The following POLG variants were observed in gnomAD, a reference collection of about 807,000 sequenced individuals.
POLG encodes the protein DNA polymerase gamma, catalytic subunit.
A neutral mutation model predicts 155.4 loss-of-function variants in POLG; 110 were observed. The observed-to-expected ratio is 0.71, with a 90% CI of 0.61 to 0.83. The LOEUF is 0.83. Ranked by LOEUF, POLG falls within the 40% of genes least tolerant of loss-of-function variation. The pLI, the probability that POLG is intolerant of heterozygous loss-of-function variation, is 0.00. For synonymous variants in POLG, 701 were observed against 631.5 expected, an observed-to-expected ratio of 1.11 and a Z score of -1.65; for missense variants, 1,685 against 1,627.5, an observed-to-expected ratio of 1.04 and a Z score of -0.61.
chr15:89,324,710 G>A (rs988838689), intron 10 of POLG, among the ~76,000 whole-genome samples: 6 of 152,216 alleles, frequency 3.9e-5, no homozygotes, highest in Non-Finnish European at 7.3e-5. Flanking sequence ...CTAAAGCTCA[G>A]GGTCTGTGAT....
chr15:89,318,869 AG>A, intron 20 of POLG, 61 bp downstream of exon 20: 1 of 1,590,676 alleles, frequency 6.3e-7, no homozygotes, highest in Non-Finnish European at 8.6e-7. Flanking sequence ...TAAGGTCCAC[AG>A]GGAGCTCTGC....
In POLG at chr15:89,319,074, C is replaced by T; in HGVS notation, c.3130G>A (p.Val1044Ile). 6.2e-7 allele frequency: 1 copy of T among 1,614,116 alleles called. No individual in the cohort carries two copies. Among genetic ancestry groups the T allele is most frequent in the Non-Finnish European group, 8.5e-7 (1 of 1,180,000 alleles). ...RKSQWKKWEV[V>I]AERAWKGGTE... ...CCCCCCTTCCATGCCCGTTCAGCAA[C>T]CACCTCCCACTTCTTCCACTGTGAC... The change falls in exon 20 of 23, where the codon GTT (valine) becomes ATT (isoleucine). Residue 1044 changes from valine (V) to isoleucine (I), a missense_variant. By Grantham distance (29) the Val-to-Ile change is conservative. Coordinates refer to ENST00000268124, the MANE Select transcript of POLG (RefSeq NM_002693.3).
At position 89,318,762 on chromosome 15, in the gene POLG, G is replaced by A; in HGVS notation, c.3274-13C>T. The A allele has an allele frequency of 6.2e-7, 1 of 1,610,634 alleles. No individual in the cohort carries two copies. The highest frequency in any genetic ancestry group is 8.5e-7 in the Non-Finnish European group (1 of 1,177,152). Reference sequence around the variant, plus strand: ...GGCTGGTCATAAACTGGGAAGGGAAGGTGGGCAGAGGTGAAAGGGGCTATG... The same window carrying A: ...GGCTGGTCATAAACTGGGAAGGGAAAGTGGGCAGAGGTGAAAGGGGCTATG... On this transcript the variant is annotated splice_polypyrimidine_tract_variant and intron_variant, in intron 20 of 22. Coordinates refer to ENST00000268124, the MANE Select transcript of POLG (RefSeq NM_002693.3).
chr15:89,331,976 G>A (rs548213824), intron 2 of POLG, among the ~76,000 whole-genome samples: 1 of 152,200 alleles, frequency 6.6e-6, no homozygotes, highest in African/African-American at 2.4e-5. Flanking sequence ...GAAAAGAAAA[G>A]GGGACTTGAG....
intron 6 of POLG, among the ~76,000 whole-genome samples, chr15:89,328,072 TC>T (rs1479743388): frequency 6.6e-6 from 1 of 150,738 alleles, no homozygotes; most frequent in Non-Finnish European, 1.5e-5. Flanking sequence ...TTTCCTCCCT[TC>T]TTTTTTCTTT....
rs753407311 is a variant in POLG, at chr15:89,330,192, C to G, written c.744G>C (p.Glu248Asp). The G allele has an allele frequency of 1.9e-5, 31 of 1,613,686 alleles. No individual in the cohort carries two copies. The African/African-American group carries it at 3.7e-4, about 19-fold the overall frequency. Residue 248 changes from glutamate (E) to aspartate (D), a missense_variant, in exon 3 of 23, where the codon GAG becomes GAC. Transcript: ENST00000268124. ...QLSPADLIPL[E>D]VPTGASSPTQ... ...TGGGGCTGCTGGCACCAGTAGGGACCTCCAGGGGGATGAGGTCAGCCGGCG... is the reference window on the plus strand; with the variant it reads ...TGGGGCTGCTGGCACCAGTAGGGACGTCCAGGGGGATGAGGTCAGCCGGCG...
At chr15:89,331,770 A>ACCCACC (rs1468891758) in intron 2 of POLG, among the ~76,000 whole-genome samples, 1 of 151,704 alleles carries the variant, frequency 6.6e-6, no homozygotes, top group Non-Finnish European at 1.5e-5. Context: ...ACCATGTGGC[A>ACCCACC]CCCACCCCCA....
intron 9 of POLG, among the ~76,000 whole-genome samples, chr15:89,325,992 C>G (rs890871060): frequency 2.0e-5 from 3 of 152,204 alleles, no homozygotes; most frequent in African/African-American, 4.8e-5. Flanking sequence ...TCCAGGGTAA[C>G]TGACCAGAGG....
At chr15:89,327,979 G>T (rs2055545209) in intron 6 of POLG, among the ~76,000 whole-genome samples, 1 of 152,090 alleles carries the variant, frequency 6.6e-6, no homozygotes, top group African/African-American at 2.4e-5. Flanking sequence ...TAAAAAATAT[G>T]TATTATGTTA....
At chr15:89,317,772 T>TC (rs397972026) in intron 21 of POLG, 61 of 547,618 alleles carry the variant, frequency 1.1e-4, no homozygotes, top group African/African-American at 4.2e-4. Context: ...TTTTTTTTTT[T>TC]CCCAGTTTGG....
intron 12 of POLG, 88 bp downstream of exon 12, chr15:89,323,727 A>C: frequency 8.9e-7 from 1 of 1,125,216 alleles, no homozygotes; most frequent in Admixed American, 1.7e-5. Context: ...AGACCTAGGG[A>C]ACTCTGGCTG....
intron 9 of POLG, among the ~76,000 whole-genome samples, chr15:89,326,195 C>T (rs1340398580): frequency 6.6e-6 from 1 of 152,182 alleles, no homozygotes; most frequent in Non-Finnish European, 1.5e-5. Flanking sequence ...TCATCTCTGC[C>T]ACCCTATGAG....
At chr15:89,319,528 G>T in intron 18 of POLG, 178 bp from the exon 19 acceptor site, 1 of 809,858 alleles carries the variant, frequency 1.2e-6, no homozygotes, top group Non-Finnish European at 2.0e-6. Context: ...CCTTGCCTAG[G>T]ATCATGGAGC....
At chr15:89,319,397 CCA>C (rs1333813765) in intron 18 of POLG, 47 bp from the exon 19 acceptor site, 1 of 1,609,450 alleles carries the variant, frequency 6.2e-7, no homozygotes, top group Admixed American at 1.7e-5. Context: ...GCTTCCTGTG[CCA>C]CGCTAGTGCC....
rs1483958097 is a variant in POLG, at chr15:89,321,154, A to G, written c.2705T>C (p.Leu902Pro). 6.2e-7 allele frequency: 1 copy of G among 1,614,112 alleles called. No individual in the cohort carries two copies. The highest frequency in any genetic ancestry group is 1.3e-5 in the African/African-American group (1 of 74,954). ...CATGCCGGCAAAGTGGGCGTCTCCAAGCACAGCTGCAATCCACAGCTCTTG... is the reference window on the plus strand; with the variant it reads ...CATGCCGGCAAAGTGGGCGTCTCCAGGCACAGCTGCAATCCACAGCTCTTG... ...DSQELWIAAV[L>P]GDAHFAGMHG... is the part of the protein sequence containing the mutation. Residue 902 changes from leucine (L) to proline (P), a missense_variant, in exon 17 of 23, where the codon CTT becomes CCT. Leu to Pro is a moderately conservative substitution (Grantham distance 98). This residue lies in a region of POLG where 5 missense variants were observed against 20.5 expected (regional missense o/e 0.24). Transcript: ENST00000268124.
At position 89,328,997 on chromosome 15, in the gene POLG, C is replaced by A. The variant is rs767666123; in HGVS notation, c.969G>T (p.Gln323His). ...ACTTCTGGCCTTGCTTTGTGGGGGG[C>A]TGGACCTTGTGTTTGCCCTGCTTGG... ...IAAKQGKHKV[Q>H]PPTKQGQKSQ... The change falls in exon 4 of 23, where the codon CAG (glutamine) becomes CAT (histidine). Residue 323 changes from glutamine (Q) to histidine (H), a missense_variant. Coordinates refer to ENST00000268124, the MANE Select transcript of POLG (RefSeq NM_002693.3). The A allele has an allele frequency of 1.2e-6, 2 of 1,613,670 alleles. No homozygotes were observed. Among genetic ancestry groups the A allele is most frequent in the South Asian group, 1.1e-5 (1 of 91,052 alleles).
chr15:89,316,462 G>T lies in POLG; in HGVS notation c.*289C>A, dbSNP rs775569901. On this transcript the variant is annotated 3_prime_UTR_variant, in exon 23 of 23. Coordinates refer to ENST00000268124, the MANE Select transcript of POLG (RefSeq NM_002693.3). ...CCAAGAAGAAAAGGAAAAAATAAATGAAATGCCTGAGTTAATGTGAACTTT... is the reference window on the plus strand; with the variant it reads ...CCAAGAAGAAAAGGAAAAAATAAATTAAATGCCTGAGTTAATGTGAACTTT... 8 of 1,607,694 alleles carry T rather than the reference G, an allele frequency of 5.0e-6. No individual in the cohort carries two copies. Among genetic ancestry groups the T allele is most frequent in the Non-Finnish European group, 6.8e-6 (8 of 1,176,350 alleles).
chr15:89,331,123 C>T (rs1293465599), intron 2 of POLG, among the ~76,000 whole-genome samples: 2 of 141,742 alleles, frequency 1.4e-5, no homozygotes, highest in African/African-American at 5.6e-5. Context: ...TGCGAAGGAG[C>T]TCCTTGCAAC....
chr15:89,317,342 T>C (rs768009806), intron 22 of POLG, 34 bp downstream of exon 22: 1 of 1,607,264 alleles, frequency 6.2e-7, no homozygotes, highest in Admixed American at 1.7e-5. Flanking sequence ...CCTCAGATCC[T>C]ATGTGTAATG....
Sources: allele counts gnomAD v4.1 joint callset (sites outside exome capture counted in the v4.1 genomes callset), GRCh38; gene constraint gnomAD v4.1.1; regional missense constraint gnomAD v4.1.1; transcripts MANE v1.5; gene names NCBI Gene and HGNC (gene_info 2026-07-23, HGNC 2026-07-21).